PIK3C2A: variants seen among roughly 807,000 people sequenced by gnomAD.
The protein encoded by PIK3C2A is phosphatidylinositol-4-phosphate 3-kinase catalytic subunit type 2 alpha, also known as phosphatidylinositol 4-phosphate 3-kinase C2 domain-containing subunit alpha.
PIK3C2A carries 97 observed loss-of-function variants against 204.5 expected under a neutral mutation model. The observed-to-expected ratio is 0.47, with a 90% CI of 0.40 to 0.56. The LOEUF (loss-of-function observed/expected upper bound fraction) is 0.56, where lower values mean the gene tolerates loss of function less well. PIK3C2A is among the 20% of genes least tolerant of loss of function. PIK3C2A has a pLI of 0.00. For synonymous variants in PIK3C2A, 653 were observed against 664.4 expected (o/e 0.98, Z 0.26); for missense variants, 1,735 against 1,969.2 (o/e 0.88, Z 2.25).
intron 9 of PIK3C2A, 71 bp from the exon 10 acceptor site, chr11:17,135,230 G>T: frequency 6.8e-7 from 1 of 1,481,276 alleles, no homozygotes; most frequent in Non-Finnish European, 9.4e-7. Flanking sequence ...CAAATACTAT[G>T]TCCAAGAAAC....
At chr11:17,112,512 A>C in intron 21 of PIK3C2A, 62 bp downstream of exon 21, 1 of 741,522 alleles carries the variant, frequency 1.3e-6, no homozygotes, top group South Asian at 1.8e-5. Context: ...CAATTTTGGG[A>C]AAGTAATTTG....
intron 8 of PIK3C2A, among the ~76,000 whole-genome samples, chr11:17,137,188 A>C (rs1849900204): frequency 6.6e-6 from 1 of 152,108 alleles, no homozygotes; most frequent in African/African-American, 2.4e-5. Flanking sequence ...TAAAAATTTA[A>C]ATTTTTCCAC....
At chr11:17,115,204 T>A (rs949286497) in intron 19 of PIK3C2A, among the ~76,000 whole-genome samples, 1 of 151,792 alleles carries the variant, frequency 6.6e-6, no homozygotes, top group Non-Finnish European at 1.5e-5. Flanking sequence ...ACTTACATTG[T>A]CCAATTTCAA....
chr11:17,182,913 C>T (rs1851612734), intron 1 of PIK3C2A, among the ~76,000 whole-genome samples: 1 of 152,182 alleles, frequency 6.6e-6, no homozygotes, highest in Non-Finnish European at 1.5e-5. Context: ...GATCACAGTT[C>T]ACTGCAGCCT....
intron 8 of PIK3C2A, among the ~76,000 whole-genome samples, chr11:17,138,608 A>G (rs1405381219): frequency 6.6e-6 from 1 of 152,082 alleles, no homozygotes; most frequent in Non-Finnish European, 1.5e-5. Context: ...TGCACCTCCT[A>G]TCGCTGGACC....
intron 1 of PIK3C2A, among the ~76,000 whole-genome samples, chr11:17,173,121 AC>A (rs921063412): frequency 2.2e-4 from 34 of 152,206 alleles, no homozygotes; most frequent in African/African-American, 7.9e-4. Context: ...ATCAACCAAA[AC>A]ATTTTTATCA....
At chr11:17,188,874 T>C (rs1387361807) in intron 1 of PIK3C2A, among the ~76,000 whole-genome samples, 2 of 146,830 alleles carry the variant, frequency 1.4e-5, no homozygotes, top group African/African-American at 5.5e-5. Context: ...AGGCAAGAGC[T>C]GAGAAAAAGC....
At chr11:17,178,099 A>AAAG (rs1851397433) in intron 1 of PIK3C2A, among the ~76,000 whole-genome samples, 1 of 98,798 alleles carries the variant, frequency 1.0e-5, no homozygotes, top group Non-Finnish European at 2.0e-5. Context: ...TCTCAAAAAA[A>AAAG]AAAAAAAAAA....
intron 19 of PIK3C2A, chr11:17,115,649 T>C (rs1849159578): frequency 2.0e-5 from 3 of 152,158 alleles, no homozygotes. Flanking sequence ...AACTTTTTTA[T>C]TTAAAAATTT....
chr11:17,198,672 C>T (rs1234249182), intron 1 of PIK3C2A, among the ~76,000 whole-genome samples: 1 of 152,122 alleles, frequency 6.6e-6, no homozygotes, highest in Non-Finnish European at 1.5e-5. Context: ...TGCATCTGTA[C>T]TCCCACCTAC....
intron 20 of PIK3C2A, among the ~76,000 whole-genome samples, chr11:17,114,080 A>AAAAAAAATAAATAAAT (rs1555018884): frequency 7.0e-6 from 1 of 143,304 alleles, no homozygotes; most frequent in Non-Finnish European, 1.5e-5. Flanking sequence ...TTTGTCTCAA[A>AAAAAAAATAAATAAAT]AAATAAATAA....
chr11:17,144,105 T>C (rs571375745), intron 8 of PIK3C2A, among the ~76,000 whole-genome samples: 1 of 152,306 alleles, frequency 6.6e-6, no homozygotes, highest in African/African-American at 2.4e-5. Context: ...CTATCTCCAA[T>C]GTCATCTGCC....
At chr11:17,148,854 A>G in intron 4 of PIK3C2A, 67 bp from the exon 5 acceptor site, 2 of 1,291,406 alleles carry the variant, frequency 1.5e-6, no homozygotes, top group Non-Finnish European at 2.2e-6. Flanking sequence ...TATTACTTAT[A>G]ATTTAAGACA....
intron 2 of PIK3C2A, among the ~76,000 whole-genome samples, chr11:17,156,363 ATG>A (rs1850591369): frequency 2.0e-5 from 3 of 152,212 alleles, no homozygotes; most frequent in Non-Finnish European, 2.9e-5. Context: ...ACAGATTTCA[ATG>A]ACTATGGCAC....
At chr11:17,131,582 C>A (rs550546366) in intron 12 of PIK3C2A, among the ~76,000 whole-genome samples, 2 of 151,858 alleles carry the variant, frequency 1.3e-5, no homozygotes, top group Non-Finnish European at 2.9e-5. Flanking sequence ...CCACCACGCC[C>A]GGCTAATTTT....
At chr11:17,172,435 C>T (rs1166333810) in intron 1 of PIK3C2A, among the ~76,000 whole-genome samples, 1 of 152,202 alleles carries the variant, frequency 6.6e-6, no homozygotes, top group Non-Finnish European at 1.5e-5. Flanking sequence ...GACCATCCAT[C>T]CACACTCCAG....
In PIK3C2A at chr11:17,168,776, C is replaced by T. The variant is rs1221120084; in HGVS notation, c.966G>A (p.Lys322=). The T allele has an allele frequency of 8.7e-6, 14 of 1,613,916 alleles. No homozygotes were observed. The highest frequency in any genetic ancestry group is 1.1e-5 in the Non-Finnish European group (13 of 1,179,988). ...RSTANCHLER[K]VNGKSLSVAT... ...CCACAGAAAGGGATTTTCCATTCAC[C>T]TTTCTTTCAAGATGACAATTTGCTG... is the stretch of plus-strand genomic sequence containing the variant. Residue 322 remains lysine (K), a synonymous_variant, in exon 2 of 33, where the codon AAG becomes AAA. Coordinates refer to ENST00000691414, the MANE Select transcript of PIK3C2A (RefSeq NM_002645.4).
chr11:17,204,977 A>C (rs1193356415), intron 1 of PIK3C2A, among the ~76,000 whole-genome samples: 1 of 152,136 alleles, frequency 6.6e-6, no homozygotes, highest in Non-Finnish European at 1.5e-5. Flanking sequence ...CAGGAGTTCA[A>C]GACCAGCTTG....
At chr11:17,162,254 T>C (rs917303922) in intron 2 of PIK3C2A, among the ~76,000 whole-genome samples, 1 of 151,592 alleles carries the variant, frequency 6.6e-6, no homozygotes, top group East Asian at 1.9e-4. Flanking sequence ...GAGAGGAGAA[T>C]TGCTTGAACC....
Sources: allele counts gnomAD v4.1 joint callset (sites outside exome capture counted in the v4.1 genomes callset), GRCh38; gene constraint gnomAD v4.1.1; transcripts MANE v1.5; gene names NCBI Gene and HGNC (gene_info 2026-07-23, HGNC 2026-07-21).